The following EHF variants were observed in gnomAD, a reference collection of about 807,000 sequenced individuals.
EHF encodes the protein ESE3 transcription factor.
EHF carries 14 observed loss-of-function variants against 45.1 expected under a neutral mutation model. That is an observed-to-expected ratio of 0.31 (90% CI 0.21 to 0.49). The LOEUF (loss-of-function observed/expected upper bound fraction) is 0.49, where lower values mean the gene tolerates loss of function less well. EHF is among the 20% of genes least tolerant of loss of function. The pLI is 0.99. For missense variants in EHF, 282 were observed against 371.4 expected, an observed-to-expected ratio of 0.76 and a Z score of 1.98; for synonymous variants, 136 against 131.8, an observed-to-expected ratio of 1.03 and a Z score of -0.22.
In EHF at chr11:34,642,700, T is replaced by C. The variant is rs1237912987; in HGVS notation, c.70T>C (p.Trp24Arg). 1.2e-6 allele frequency: 2 copies of C among 1,614,020 alleles called. No individual in the cohort carries two copies. Among genetic ancestry groups the C allele is most frequent in the South Asian group, 2.2e-5 (2 of 91,058 alleles). ...CAACCTCCTTCACCAGCCGCCAGCC[T>C]GGACAGACAGCTACTCCACGTGCAA... ...GNNLLHQPPA[W>R]TDSYSTCNVS... The change falls in exon 2 of 9, where the codon TGG (tryptophan) becomes CGG (arginine). Residue 24 changes from tryptophan (W) to arginine (R), a missense_variant. Trp to Arg is a moderately radical substitution (Grantham distance 101). Transcript: ENST00000257831.
At chr11:34,634,221 T>A (rs1853179401) in intron 1 of EHF, among the ~76,000 whole-genome samples, 1 of 152,248 alleles carries the variant, frequency 6.6e-6, no homozygotes, top group Non-Finnish European at 1.5e-5. Context: ...GAGTAGTCCT[T>A]TGAAACGACA....
chr11:34,650,559 G>T (rs983803406), intron 4 of EHF, among the ~76,000 whole-genome samples: 1 of 152,150 alleles, frequency 6.6e-6, no homozygotes, highest in Non-Finnish European at 1.5e-5. Flanking sequence ...CTTACACCCC[G>T]GCCCTAAAAC....
intron 1 of EHF, among the ~76,000 whole-genome samples, chr11:34,630,958 C>T (rs1435433318): frequency 2.0e-5 from 3 of 152,164 alleles, no homozygotes; most frequent in African/African-American, 7.2e-5. Flanking sequence ...AGGTGTTTGT[C>T]TGGGGAAATG....
chr11:34,648,069 G>A (rs1021332292), intron 3 of EHF, among the ~76,000 whole-genome samples: 2 of 152,166 alleles, frequency 1.3e-5, no homozygotes, highest in South Asian at 2.1e-4. Flanking sequence ...GCATGCTGCT[G>A]TAGCCTCTGA....
At chr11:34,643,338 A>G (rs527913138) in intron 2 of EHF, among the ~76,000 whole-genome samples, 3 of 152,248 alleles carry the variant, frequency 2.0e-5, no homozygotes, top group Admixed American at 6.5e-5. Flanking sequence ...CCCTGAATCA[A>G]GTTGAATCTC....
chr11:34,658,152 C>T (rs922096731), intron 7 of EHF, among the ~76,000 whole-genome samples: 2 of 152,026 alleles, frequency 1.3e-5, no homozygotes, highest in African/African-American at 2.4e-5. Flanking sequence ...TTGAGAGTTG[C>T]TCTCTGGGGA....
chr11:34,656,555 C>A (rs918446933), intron 6 of EHF, among the ~76,000 whole-genome samples: 8 of 148,654 alleles, frequency 5.4e-5, no homozygotes, highest in African/African-American at 1.7e-4. Flanking sequence ...CACACATCAA[C>A]CTCAGGGCCT....
At chr11:34,655,682 T>G (rs545337014) in intron 6 of EHF, among the ~76,000 whole-genome samples, 124 of 152,324 alleles carry the variant, frequency 8.1e-4, no homozygotes, top group African/African-American at 2.9e-3. Flanking sequence ...ATAAAGTGAT[T>G]CATTTAAAGT....
intron 1 of EHF, among the ~76,000 whole-genome samples, chr11:34,635,450 C>CTCTTT (rs1853294000): frequency 8.8e-6 from 1 of 113,248 alleles, no homozygotes; most frequent in Non-Finnish European, 1.8e-5. Flanking sequence ...AAACCTTATT[C>CTCTTT]TTTTTTTTTT....
Position 34,658,985 on chromosome 11 carries a change from A to C in EHF, c.*54A>C. On this transcript the variant is annotated 3_prime_UTR_variant, in exon 9 of 9. Coordinates refer to ENST00000257831, the MANE Select transcript of EHF (RefSeq NM_012153.6). ...AACACACACCAAATAATCAGAAACA[A>C]AGAACTCCTGGACGTAAATATTTCA... 7.3e-7 allele frequency: 1 copy of C among 1,364,768 alleles called. No individual in the cohort carries two copies. The highest frequency in any genetic ancestry group is 1.0e-6 in the Non-Finnish European group (1 of 979,150). The allele number at this position is 1,364,768 out of a possible 1,614,324, so 84.5% of individuals were successfully genotyped here. A position where few individuals can be genotyped will look rare whatever the true frequency, so the allele number is the denominator to read the frequency against.
rs34892719 is a variant in EHF at position 34,656,394 on chromosome 11, T to TA, written c.545-502dup. Reference sequence around the variant, plus strand: ...AAATGTTTACATTTTTCTATTATGCTAAAAAAAAAAAACCACAAATTTTTC... The same window carrying TA: ...AAATGTTTACATTTTTCTATTATGCTAAAAAAAAAAAAACCACAAATTTTTC... On this transcript the variant is annotated intron_variant, in intron 6 of 8. Transcript: ENST00000257831. Among the ~76,000 whole-genome samples the TA allele has an allele frequency of 3.2e-3, 458 of 144,506 alleles. 4 individuals are homozygous for TA. The highest frequency in any genetic ancestry group is 0.029 in the East Asian group (147 of 5,020). The allele number at this position is 144,506 out of a possible 152,430, so 94.8% of individuals were successfully genotyped here. A position where few individuals can be genotyped will look rare whatever the true frequency, so the allele number is the denominator to read the frequency against.
Position 34,622,421 on chromosome 11 carries a change from A to G in EHF, c.-4+1193A>G, listed in dbSNP as rs1191647422. On this transcript the variant is annotated intron_variant, in intron 1 of 8. Transcript: ENST00000257831. ...GTTGGTTCTGCAGCCATGGAGGTAA[A>G]GATGTGTTGATAGTCTTTCAATGTG... 12 of 1,284,820 alleles carry G rather than the reference A, an allele frequency of 9.3e-6. No homozygotes were observed. In the East Asian group the frequency reaches 5.7e-4, roughly 61 times the overall value. 79.6% of individuals were successfully genotyped at this position (1,284,820 alleles called of 1,614,324 possible). A position where few individuals can be genotyped will look rare whatever the true frequency, so the allele number is the denominator to read the frequency against.
At chr11:34,658,159 G>A (rs1301184488) in intron 7 of EHF, among the ~76,000 whole-genome samples, 2 of 151,970 alleles carry the variant, frequency 1.3e-5, no homozygotes, top group Non-Finnish European at 2.9e-5. Context: ...TTGCTCTCTG[G>A]GGAAGTAACA....
intron 1 of EHF, among the ~76,000 whole-genome samples, chr11:34,639,462 A>C (rs182303689): frequency 4.8e-4 from 73 of 152,202 alleles, no homozygotes; most frequent in African/African-American, 1.7e-3. Context: ...CCACGATCTC[A>C]TTCCATCTCA....
intron 1 of EHF, chr11:34,632,785 C>G: frequency 9.2e-7 from 1 of 1,087,600 alleles, no homozygotes; most frequent in Non-Finnish European, 1.3e-6. Context: ...AAGCCGTGTC[C>G]TTGTGAATAG....
At chr11:34,645,219 GTTTT>G (rs957006275) in intron 2 of EHF, among the ~76,000 whole-genome samples, 1 of 152,084 alleles carries the variant, frequency 6.6e-6, no homozygotes, top group Non-Finnish European at 1.5e-5. Context: ...ACTATGGAAT[GTTTT>G]TTTAAGTGAG....
chr11:34,640,594 C>G (rs536046413), intron 1 of EHF, among the ~76,000 whole-genome samples: 2 of 152,194 alleles, frequency 1.3e-5, no homozygotes, highest in African/African-American at 4.8e-5. Flanking sequence ...GATTTTCTTT[C>G]GTCTTGAAGT....
rs976138135 is a variant in EHF at position 34,651,907 on chromosome 11, A to G, written c.544+102A>G. 4 of 1,165,766 alleles carry G rather than the reference A, an allele frequency of 3.4e-6. No homozygotes were observed. The Admixed American group carries it at 9.1e-5, about 27-fold the overall frequency. The allele number at this position is 1,165,766 out of a possible 1,614,324, so 72.2% of individuals were successfully genotyped here. A position where few individuals can be genotyped will look rare whatever the true frequency, so the allele number is the denominator to read the frequency against. ...TTTCTGCCTTTCTGGAGTCTTTCTAATTAAAGGGCTAGGAAAGGGATGGGG... is the reference window on the plus strand; with the variant it reads ...TTTCTGCCTTTCTGGAGTCTTTCTAGTTAAAGGGCTAGGAAAGGGATGGGG... On this transcript the variant is annotated intron_variant, in intron 6 of 8. Coordinates refer to ENST00000257831, the MANE Select transcript of EHF (RefSeq NM_012153.6).
At chr11:34,649,778 C>G (rs1854963357) in intron 4 of EHF, among the ~76,000 whole-genome samples, 1 of 152,200 alleles carries the variant, frequency 6.6e-6, no homozygotes, top group Non-Finnish European at 1.5e-5. Flanking sequence ...CTAAGTCACT[C>G]CCCATGTTCA....
Sources: gnomAD v4.1 joint callset for allele counts (sites outside exome capture counted in the v4.1 genomes callset) on GRCh38, gnomAD v4.1.1 for gene constraint, MANE v1.5 for transcripts, NCBI Gene and HGNC (gene_info 2026-07-23, HGNC 2026-07-21) for gene names.